TFDP1: variants seen among roughly 807,000 people sequenced by gnomAD.
TFDP1 encodes transcription factor Dp-1.
In TFDP1, 6 loss-of-function variants were observed where a neutral mutation model predicts 48.0. The observed-to-expected ratio is 0.13, with a 90% CI of 0.07 to 0.25. The LOEUF (loss-of-function observed/expected upper bound fraction) is 0.25. Ranked by LOEUF, TFDP1 falls within the 10% of genes least tolerant of loss-of-function variation. The pLI, the probability that TFDP1 is intolerant of heterozygous loss-of-function variation, is 1.00. For synonymous variants in TFDP1, 201 were observed against 211.6 expected (o/e 0.95, Z 0.44); for missense variants, 335 against 543.0 (o/e 0.62, Z 3.81).
chr13:113,634,912 C>CGTGT (rs143479500), intron 8 of TFDP1, among the ~76,000 whole-genome samples: 1 of 151,074 alleles, frequency 6.6e-6, no homozygotes, highest in Non-Finnish European at 1.5e-5. Context: ...TGCCTGTGTG[C>CGTGT]GTGTGTGTGT....
At chr13:113,587,931 A>G (rs1305182550) in intron 2 of TFDP1, among the ~76,000 whole-genome samples, 1 of 152,154 alleles carries the variant, frequency 6.6e-6, no homozygotes, top group Non-Finnish European at 1.5e-5. Flanking sequence ...ACCTCAGCTC[A>G]CTGTGACCTT....
chr13:113,636,755 C>T, intron 10 of TFDP1, 55 bp downstream of exon 10: 1 of 1,573,000 alleles, frequency 6.4e-7, no homozygotes, highest in South Asian at 1.2e-5. Context: ...CCCCCAGCCT[C>T]CGACGGTGCC....
Position 113,636,133 on chromosome 13 carries a change from G to C in TFDP1, c.839+5G>C, listed in dbSNP as rs2049480853. The C allele has an allele frequency of 1.2e-6, 2 of 1,613,922 alleles. No homozygotes were observed. Among genetic ancestry groups the C allele is most frequent in the Non-Finnish European group, 1.7e-6 (2 of 1,179,966 alleles). On this transcript the variant is annotated splice_donor_5th_base_variant and intron_variant, in intron 9 of 11. Coordinates refer to ENST00000375370, the MANE Select transcript of TFDP1 (RefSeq NM_007111.5). ...CTGCAGCATCTCCAATGACAAGTAG[G>C]TTGTGGGCGGGGAGCTGTTCCCTGG... is the stretch of plus-strand genomic sequence containing the variant.
intron 2 of TFDP1, among the ~76,000 whole-genome samples, chr13:113,595,360 G>A (rs553866973): frequency 2.4e-4 from 36 of 152,302 alleles, no homozygotes; most frequent in African/African-American, 7.7e-4. Context: ...CTCAGGACAC[G>A]GAGTGCAGCC....
At chr13:113,591,892 C>G (rs543881521) in intron 2 of TFDP1, among the ~76,000 whole-genome samples, 3 of 152,132 alleles carry the variant, frequency 2.0e-5, no homozygotes, top group Admixed American at 6.5e-5. Flanking sequence ...TCTGGTTGTT[C>G]GGGTACTGGC....
At chr13:113,619,626 G>T (rs1357953641) in intron 3 of TFDP1, among the ~76,000 whole-genome samples, 1 of 152,178 alleles carries the variant, frequency 6.6e-6, no homozygotes, top group Non-Finnish European at 1.5e-5. Flanking sequence ...TGGTCGGGTG[G>T]CTGTGCAAGC....
intron 8 of TFDP1, among the ~76,000 whole-genome samples, chr13:113,635,388 G>C (rs966547976): frequency 2.6e-5 from 4 of 152,226 alleles, no homozygotes; most frequent in Admixed American, 2.0e-4. Flanking sequence ...GGACCTGCCA[G>C]GTGGGGATAG....
At chr13:113,634,339 A>T in intron 7 of TFDP1, 195 bp from the exon 8 acceptor site, 1 of 635,254 alleles carries the variant, frequency 1.6e-6, no homozygotes, top group East Asian at 2.7e-5. Context: ...GAAAGGGGAG[A>T]AGGTATAGTT....
At position 113,636,386 on chromosome 13, in the gene TFDP1, A is replaced by G. The variant is rs571917397; in HGVS notation, c.840-148A>G. 3 of 1,029,194 alleles carry G rather than the reference A, an allele frequency of 2.9e-6. No homozygotes were observed. In the Admixed American group the frequency reaches 6.7e-5, roughly 23 times the overall value. The allele number at this position is 1,029,194 out of a possible 1,614,324, so 63.8% of individuals were successfully genotyped here. ...TTGCCTCTCATCTCATTTACTTCAG[A>G]GTTTATAAATTCTGTGAGGAGACAC... On this transcript the variant is annotated intron_variant, in intron 9 of 11. Transcript: ENST00000375370.
At position 113,633,083 on chromosome 13, in the gene TFDP1, G is replaced by C; in HGVS notation, c.309-37G>C. ...TCGATTCAGGCTGATCCTCAGGAGG[G>C]CTGACAGTCGCTTCTCTTTTCCTTT... On this transcript the variant is annotated intron_variant, in intron 5 of 11. Transcript: ENST00000375370. The surrounding 1 kb of genome is among the most constrained non-coding windows in gnomAD (Gnocchi z 4.5). The C allele has an allele frequency of 6.2e-7, 1 of 1,612,644 alleles. No individual in the cohort carries two copies. The highest frequency in any genetic ancestry group is 2.2e-5 in the East Asian group (1 of 44,862).
At chr13:113,594,616 C>T (rs1184518431) in intron 2 of TFDP1, among the ~76,000 whole-genome samples, 3 of 151,666 alleles carry the variant, frequency 2.0e-5, no homozygotes, top group Non-Finnish European at 4.4e-5. Flanking sequence ...TGACAGGTGT[C>T]CCGTGTGCTG....
intron 2 of TFDP1, among the ~76,000 whole-genome samples, chr13:113,600,191 T>C (rs2048378772): frequency 6.9e-6 from 1 of 145,150 alleles, no homozygotes. Context: ...TCCTTGCACG[T>C]AGGGCTCCAG....
chr13:113,626,950 A>T (rs957678489), intron 4 of TFDP1, among the ~76,000 whole-genome samples: 2 of 152,180 alleles, frequency 1.3e-5, no homozygotes, highest in Admixed American at 1.3e-4. Flanking sequence ...TGAGAAGATT[A>T]TCTTATTGAT....
At chr13:113,595,873 G>A (rs1043975885) in intron 2 of TFDP1, among the ~76,000 whole-genome samples, 3 of 152,168 alleles carry the variant, frequency 2.0e-5, no homozygotes, top group Non-Finnish European at 2.9e-5. Flanking sequence ...ACAAGGTCAG[G>A]ATATCGAGAC....
chr13:113,618,502 CAG>C (rs1226330183), intron 3 of TFDP1, among the ~76,000 whole-genome samples: 2 of 152,172 alleles, frequency 1.3e-5, no homozygotes, highest in East Asian at 3.8e-4. Flanking sequence ...GCCTGGGTGA[CAG>C]AGTGAGACCC....
In TFDP1 at chr13:113,623,336, A is replaced by T. The variant is rs1448795105; in HGVS notation, c.186+50A>T. The T allele has an allele frequency of 3.9e-6, 6 of 1,528,898 alleles. No homozygotes were observed. The highest frequency in any genetic ancestry group is 1.2e-5 in the South Asian group (1 of 84,396). The allele number at this position is 1,528,898 out of a possible 1,614,324, so 94.7% of individuals were successfully genotyped here. The stretch of plus-strand genomic sequence containing the variant: ...GCCGGGATCTCGGTGTGAGGTCGGG[A>T]TCGGATGAGCCGTGTGGTTGGGGAT... On this transcript the variant is annotated intron_variant, in intron 4 of 11. Coordinates refer to ENST00000375370, the MANE Select transcript of TFDP1 (RefSeq NM_007111.5). This position sits in a 1 kb window ranked among gnomAD's most constrained non-coding sequence, Gnocchi z 5.2.
rs1214773778 is a variant in TFDP1 at position 113,598,690 on chromosome 13, C to G, written c.13-12306C>G. ...TGCCCTCCTGGGTGGAGTCTGCGTC[C>G]CCCTTTCCTGGTCATTTAAGTTGCG... On this transcript the variant is annotated intron_variant, in intron 2 of 11. Coordinates refer to ENST00000375370, the MANE Select transcript of TFDP1 (RefSeq NM_007111.5). This position sits in a 1 kb window ranked among gnomAD's most constrained non-coding sequence, Gnocchi z 4.2. Among the ~76,000 whole-genome samples, 3 of 152,200 alleles carry G rather than the reference C, an allele frequency of 2.0e-5. No homozygotes were observed. The highest frequency in any genetic ancestry group is 2.0e-4 in the Admixed American group (3 of 15,282).
intron 2 of TFDP1, among the ~76,000 whole-genome samples, chr13:113,605,888 TG>T (rs1280347127): frequency 5.7e-5 from 8 of 140,546 alleles, no homozygotes; most frequent in African/African-American, 2.4e-4. Context: ...GGTGCGGTGA[TG>T]AGTGTCCAAG....
intron 1 of TFDP1, chr13:113,585,568 A>C: frequency 5.6e-6 from 2 of 355,324 alleles, no homozygotes; most frequent in Non-Finnish European, 5.2e-6. Context: ...CCCGCGGGCC[A>C]CTTTTCCGCA....
Sources: gnomAD v4.1 joint callset for allele counts (sites outside exome capture counted in the v4.1 genomes callset) on GRCh38, gnomAD v4.1.1 for gene constraint, Gnocchi (gnomAD v3.1) non-coding constraint, MANE v1.5 for transcripts, NCBI Gene and HGNC (gene_info 2026-07-23, HGNC 2026-07-21) for gene names.